Variants in TYW1B observed in about 807,000 individuals in gnomAD.
TYW1B encodes tRNA-yW synthesizing protein 1 homolog B, also known as S-adenosyl-L-methionine-dependent tRNA 4-demethylwyosine synthase TYW1B.
In TYW1B, 73 loss-of-function variants were observed where a neutral mutation model predicts 86.9. The observed-to-expected ratio is 0.84, with a 90% CI of 0.70 to 1.02. The LOEUF is 1.02. Ranked by LOEUF, TYW1B falls within the 50% of genes least tolerant of loss-of-function variation. The pLI, the probability that TYW1B is intolerant of heterozygous loss-of-function variation, is 0.00. For missense variants in TYW1B, 637 were observed against 827.4 expected, an observed-to-expected ratio of 0.77 and a Z score of 2.82; for synonymous variants, 248 against 292.8, an observed-to-expected ratio of 0.85 and a Z score of 1.56.
chr7:72,691,929 G>C (rs1368428471), intron 11 of TYW1B, among the ~76,000 whole-genome samples: 4 of 152,000 alleles, frequency 2.6e-5, no homozygotes, highest in African/African-American at 9.7e-5. Context: ...AAACAGGCTG[G>C]GTGCAGTGGC....
chr7:72,816,211 T>C (rs1251973991), intron 2 of TYW1B, among the ~76,000 whole-genome samples: 3 of 151,938 alleles, frequency 2.0e-5, no homozygotes, highest in African/African-American at 7.2e-5. Flanking sequence ...ACCCCGTCTC[T>C]ACTAAAAATA....
rs59821679 is a variant in TYW1B at position 72,593,820 on chromosome 7, TAAAAAAAAAAAAAAAA to T, written c.1786-18117_1786-18102del. ...CTGGGTGACAGAGCCAGACTCCATC[TAAAAAAAAAAAAAAAA>T]AAAAAAAAAAAAATCAATAGATGAA... On this transcript the variant is annotated intron_variant, in intron 13 of 13. Transcript: ENST00000620995. 1.2e-3 allele frequency among the ~76,000 whole-genome samples: 52 copies of T among 43,674 alleles called. 1 individual carries two copies. Among genetic ancestry groups the T allele is most frequent in the Non-Finnish European group, 1.9e-3 (47 of 24,876 alleles). The allele number at this position is 43,674 out of a possible 152,430, so 28.7% of individuals were successfully genotyped here.
chr7:72,725,979 G>A (rs183177523), intron 9 of TYW1B, among the ~76,000 whole-genome samples: 3 of 152,044 alleles, frequency 2.0e-5, no homozygotes, highest in Non-Finnish European at 2.9e-5. Flanking sequence ...AGGAAAATAC[G>A]ACTTTGCCTT....
intron 2 of TYW1B, among the ~76,000 whole-genome samples, chr7:72,824,211 C>G (rs1464915040): frequency 2.6e-5 from 4 of 152,102 alleles, no homozygotes; most frequent in Non-Finnish European, 5.9e-5. Flanking sequence ...CAGTAGAACC[C>G]TCTGAAGTAG....
chr7:72,755,122 C>A (rs762961118), intron 7 of TYW1B, among the ~76,000 whole-genome samples: 9 of 152,048 alleles, frequency 5.9e-5, no homozygotes, highest in Non-Finnish European at 1.3e-4. Context: ...GATGGAATAA[C>A]AGAAGTGTCA....
At chr7:72,598,039 T>C (rs1157527967) in intron 13 of TYW1B, among the ~76,000 whole-genome samples, 1 of 151,820 alleles carries the variant, frequency 6.6e-6, no homozygotes, top group Non-Finnish European at 1.5e-5. Flanking sequence ...ACTTTGATTG[T>C]ATTGAAGGAC....
Position 72,574,898 on chromosome 7 carries a change from T to C in TYW1B, c.*600A>G, listed in dbSNP as rs1810983718. The C allele has an allele frequency of 1.0e-6, 1 of 986,250 alleles. No individual in the cohort carries two copies. The highest frequency in any genetic ancestry group is 4.7e-5 in the South Asian group (1 of 21,346). 61.1% of individuals were successfully genotyped at this position (986,250 alleles called of 1,614,324 possible). The stretch of plus-strand genomic sequence containing the variant: ...GGGAATGGGATGAGATCTAGTAGTT[T>C]TAGATCCGATGCAATTTTGGGAAGG... On this transcript the variant is annotated 3_prime_UTR_variant, in exon 14 of 14. Coordinates refer to ENST00000620995, the MANE Select transcript of TYW1B (RefSeq NM_001145440.3).
Position 72,744,563 on chromosome 7 carries a change from T to A in TYW1B, c.1003A>T (p.Ile335Phe), listed in dbSNP as rs781987940. 2 of 1,613,532 alleles carry A rather than the reference T, an allele frequency of 1.2e-6. No homozygotes were observed. Among genetic ancestry groups the A allele is most frequent in the Admixed American group, 3.3e-5 (2 of 59,976 alleles). ...CAGCGATGGCTCTCATTCCATAGAA[T>A]GTGTGTTTGTAACAAGCTCCTCTCC... ...PRERSLLQTHILWNESHRCME... is the reference protein window; with the variant it reads ...PRERSLLQTHFLWNESHRCME... Residue 335 changes from isoleucine to phenylalanine, a missense_variant, in exon 8 of 14, where the codon ATT (isoleucine) becomes TTT (phenylalanine). Physicochemically the swap from Ile to Phe is conservative, Grantham distance 21. Coordinates refer to ENST00000620995, the MANE Select transcript of TYW1B (RefSeq NM_001145440.3).
chr7:72,580,001 C>T (rs1284896013), intron 13 of TYW1B, among the ~76,000 whole-genome samples: 2 of 152,156 alleles, frequency 1.3e-5, no homozygotes, highest in African/African-American at 4.8e-5. Flanking sequence ...AGGGCTTACC[C>T]CTATAACCTC....
intron 8 of TYW1B, among the ~76,000 whole-genome samples, chr7:72,734,742 A>T (rs1314026891): frequency 6.6e-6 from 1 of 152,246 alleles, no homozygotes; most frequent in East Asian, 1.9e-4. Context: ...TATACAAAAA[A>T]TTCAAACAAC....
At chr7:72,583,080 C>T (rs782735433) in intron 13 of TYW1B, among the ~76,000 whole-genome samples, 5 of 152,010 alleles carry the variant, frequency 3.3e-5, no homozygotes, top group Non-Finnish European at 5.9e-5. Context: ...AGATAATAAG[C>T]GGCCAGGCAT....
At chr7:72,593,923 G>A (rs1327936479) in intron 13 of TYW1B, among the ~76,000 whole-genome samples, 1 of 151,016 alleles carries the variant, frequency 6.6e-6, no homozygotes, top group Non-Finnish European at 1.5e-5. Context: ...TATTACCAAT[G>A]GATCACAGAA....
At chr7:72,797,912 T>C (rs1355962997) in intron 6 of TYW1B, among the ~76,000 whole-genome samples, 3 of 151,798 alleles carry the variant, frequency 2.0e-5, no homozygotes, top group African/African-American at 7.3e-5. Context: ...ATATCAGAAT[T>C]GAATTGAACT....
In TYW1B at chr7:72,779,861, G is replaced by GAAA. The variant is rs1233622939; in HGVS notation, c.847-2331_847-2329dup. Reference sequence around the variant, plus strand: ...TTAGAGAATCAAATGTACCAAATGAGAAAAAAAAAAAAAAAGCCGCATTAA... The same window carrying GAAA: ...TTAGAGAATCAAATGTACCAAATGAGAAAAAAAAAAAAAAAAAAGCCGCATTAA... On this transcript the variant is annotated intron_variant, in intron 6 of 13. Transcript: ENST00000620995. Among the ~76,000 whole-genome samples the GAAA allele has an allele frequency of 2.2e-4, 23 of 102,858 alleles. No homozygotes were observed. The Admixed American group carries it at 2.3e-3, about 10-fold the overall frequency. The allele number at this position is 102,858 out of a possible 152,430, so 67.5% of individuals were successfully genotyped here. A position where few individuals can be genotyped will look rare whatever the true frequency, so the allele number is the denominator to read the frequency against.
chr7:72,748,922 C>T (rs1787441596), intron 7 of TYW1B, among the ~76,000 whole-genome samples: 1 of 151,776 alleles, frequency 6.6e-6, no homozygotes, highest in Admixed American at 6.6e-5. Context: ...CAGGTTTTAT[C>T]AGGTTAATAT....
intron 4 of TYW1B, among the ~76,000 whole-genome samples, chr7:72,809,420 G>A (rs1372626394): frequency 7.2e-5 from 11 of 152,074 alleles, no homozygotes; most frequent in African/African-American, 2.7e-4. Context: ...GGGAGGCTGA[G>A]GTGGGTAGGA....
chr7:72,819,807 G>C (rs1788794465), intron 2 of TYW1B, among the ~76,000 whole-genome samples: 1 of 152,040 alleles, frequency 6.6e-6, no homozygotes, highest in Non-Finnish European at 1.5e-5. Flanking sequence ...CCATCCCCAA[G>C]ACACAAAATC....
intron 13 of TYW1B, among the ~76,000 whole-genome samples, chr7:72,605,417 A>C (rs548620018): frequency 2.5e-4 from 37 of 151,000 alleles, no homozygotes; most frequent in Non-Finnish European, 4.1e-4. Context: ...GCAGTGGCGC[A>C]ATCTCGGCTC....
chr7:72,785,503 G>A (rs1290936778), intron 6 of TYW1B, among the ~76,000 whole-genome samples: 1 of 150,682 alleles, frequency 6.6e-6, no homozygotes, highest in African/African-American at 2.4e-5. Context: ...AATACAGTGT[G>A]GCTGGATTAA....
Sources: gnomAD v4.1 joint callset for allele counts (sites outside exome capture counted in the v4.1 genomes callset) on GRCh38, gnomAD v4.1.1 for gene constraint, MANE v1.5 for transcripts, NCBI Gene and HGNC (gene_info 2026-07-23, HGNC 2026-07-21) for gene names.